Variants in DCC observed in about 807,000 individuals in gnomAD.
The protein encoded by DCC is netrin receptor DCC.
In DCC, 58 loss-of-function variants were observed where a neutral mutation model predicts 172.5. The ratio of observed to expected loss-of-function variants is 0.34; its 90% confidence interval spans 0.27 to 0.42. The LOEUF is 0.42. DCC is among the 10% of genes least tolerant of loss of function. The probability of loss-of-function intolerance (pLI) is 1.00; values close to 1 mark genes in which losing one functional copy is unlikely to be tolerated. For missense variants in DCC, 1,740 were observed against 1,791.0 expected (o/e 0.97, Z 0.51); for synonymous variants, 709 against 644.5 (o/e 1.10, Z -1.52).
intron 5 of DCC, among the ~76,000 whole-genome samples, chr18:52,939,479 T>C (rs1166163982): frequency 6.6e-6 from 1 of 152,196 alleles, no homozygotes; most frequent in African/African-American, 2.4e-5. Context: ...CCTTATTTTA[T>C]GTACTGTTTT....
At position 53,462,269 on chromosome 18, in the gene DCC, G is replaced by A. The variant is rs1241532438; in HGVS notation, c.3619+2811G>A. 2.0e-5 allele frequency among the ~76,000 whole-genome samples: 3 copies of A among 152,080 alleles called. No homozygotes were observed. The East Asian group carries it at 5.8e-4, about 29-fold the overall frequency. ...CCACACAGCAGGAGGTGAGCAACGG[G>A]CAAAAGAGCAAAGCTTCATATGTAT... On this transcript the variant is annotated intron_variant, in intron 24 of 28. Coordinates refer to ENST00000442544, the MANE Select transcript of DCC (RefSeq NM_005215.4).
intron 2 of DCC, among the ~76,000 whole-genome samples, chr18:52,883,350 A>ATTTG (rs1270659885): frequency 3.2e-4 from 11 of 34,168 alleles, no homozygotes; most frequent in African/African-American, 8.3e-4. Context: ...TTATTTATTT[A>ATTTG]TGTGTGTGTG....
chr18:52,772,574 C>T (rs1474911712), intron 2 of DCC, among the ~76,000 whole-genome samples: 4 of 152,188 alleles, frequency 2.6e-5, no homozygotes, highest in Non-Finnish European at 5.9e-5. Context: ...GGGAAAAGCA[C>T]ATCTCTAGGA....
intron 1 of DCC, among the ~76,000 whole-genome samples, chr18:52,481,997 C>A (rs1264773497): frequency 6.6e-6 from 1 of 151,994 alleles, no homozygotes; most frequent in Non-Finnish European, 1.5e-5. Flanking sequence ...CACTAACATG[C>A]TTAAATAGTG....
chr18:53,160,751 C>T lies in DCC; in HGVS notation c.1418+3239C>T, dbSNP rs185994074. On this transcript the variant is annotated intron_variant, in intron 8 of 28. Transcript: ENST00000442544. ...TTTTTCTCTCTTCTCAAATCTCCAACACCTTCCGCCTTTCCCCCACTCTTA... is the reference window on the plus strand; with the variant it reads ...TTTTTCTCTCTTCTCAAATCTCCAATACCTTCCGCCTTTCCCCCACTCTTA... Among the ~76,000 whole-genome samples, 325 of 152,296 alleles carry T rather than the reference C, an allele frequency of 2.1e-3. 1 individual carries two copies. Among genetic ancestry groups the T allele is most frequent in the Non-Finnish European group, 3.7e-3 (252 of 68,016 alleles).
intron 1 of DCC, among the ~76,000 whole-genome samples, chr18:52,433,135 G>T (rs1412621136): frequency 6.6e-6 from 1 of 151,998 alleles, no homozygotes; most frequent in East Asian, 1.9e-4. Context: ...TATTTAACCA[G>T]GTATTTGAGA....
At chr18:53,072,770 G>A (rs987353955) in intron 7 of DCC, among the ~76,000 whole-genome samples, 2 of 152,178 alleles carry the variant, frequency 1.3e-5, no homozygotes, top group Non-Finnish European at 2.9e-5. Context: ...TAGGGTCTAT[G>A]TCTTATGTTA....
At chr18:53,083,176 T>A (rs925125107) in intron 7 of DCC, among the ~76,000 whole-genome samples, 11 of 152,182 alleles carry the variant, frequency 7.2e-5, no homozygotes, top group African/African-American at 2.7e-4. Context: ...TTCTTTGTTT[T>A]TCGATTGTTC....
intron 12 of DCC, among the ~76,000 whole-genome samples, chr18:53,242,715 G>T (rs1351590582): frequency 6.6e-6 from 1 of 152,258 alleles, no homozygotes; most frequent in East Asian, 1.9e-4. Flanking sequence ...TACAAAATAT[G>T]CTGGACAGGC....
chr18:53,404,630 C>A (rs948796751), intron 19 of DCC, among the ~76,000 whole-genome samples: 7 of 151,946 alleles, frequency 4.6e-5, no homozygotes, highest in Non-Finnish European at 8.8e-5. Context: ...ACTCTGGAGG[C>A]TGAGGCAGGA....
At chr18:53,357,607 A>G (rs2057891727) in intron 15 of DCC, among the ~76,000 whole-genome samples, 1 of 152,200 alleles carries the variant, frequency 6.6e-6, no homozygotes, top group African/African-American at 2.4e-5. Context: ...TCTGCTTTGT[A>G]TTTTTTGAAG....
At chr18:52,960,070 G>A (rs2040817202) in intron 5 of DCC, among the ~76,000 whole-genome samples, 1 of 152,046 alleles carries the variant, frequency 6.6e-6, no homozygotes, top group Non-Finnish European at 1.5e-5. Flanking sequence ...AAGTAGGCTT[G>A]GAGATACACG....
chr18:53,123,182 G>A (rs1007950228), intron 7 of DCC, among the ~76,000 whole-genome samples: 2 of 152,020 alleles, frequency 1.3e-5, no homozygotes, highest in Non-Finnish European at 2.9e-5. Flanking sequence ...ATACATTGGA[G>A]GGTACTAGGA....
chr18:52,798,752 T>C (rs1014653195), intron 2 of DCC, among the ~76,000 whole-genome samples: 7 of 56,244 alleles, frequency 1.2e-4, no homozygotes, highest in African/African-American at 4.5e-4. Flanking sequence ...TATGAAGTTT[T>C]GTATCTTTTT....
intron 1 of DCC, among the ~76,000 whole-genome samples, chr18:52,365,477 A>G (rs1377768671): frequency 1.3e-5 from 2 of 152,186 alleles, no homozygotes; most frequent in Non-Finnish European, 2.9e-5. Context: ...CTCTATCTTA[A>G]CATATAGAAC....
intron 5 of DCC, among the ~76,000 whole-genome samples, chr18:53,060,519 A>C (rs1336203432): frequency 2.0e-5 from 3 of 152,186 alleles, no homozygotes; most frequent in African/African-American, 7.2e-5. Flanking sequence ...AAGAAATATG[A>C]GAAAATTACA....
intron 5 of DCC, among the ~76,000 whole-genome samples, chr18:52,946,341 C>A (rs1233507183): frequency 1.3e-5 from 2 of 152,232 alleles, no homozygotes; most frequent in African/African-American, 4.8e-5. Flanking sequence ...GTGAAATGAA[C>A]TGTTTTTTAG....
At chr18:53,437,037 C>T (rs1476015784) in intron 22 of DCC, among the ~76,000 whole-genome samples, 2 of 152,192 alleles carry the variant, frequency 1.3e-5, no homozygotes, top group African/African-American at 2.4e-5. Context: ...AAAGCCTCCA[C>T]CTCTTAATGC....
intron 12 of DCC, among the ~76,000 whole-genome samples, chr18:53,265,609 A>G (rs183966835): frequency 6.6e-6 from 1 of 152,312 alleles, no homozygotes; most frequent in Non-Finnish European, 1.5e-5. Flanking sequence ...ACCTTTCAAT[A>G]TTATTGGGGA....
Sources: gnomAD v4.1 joint callset for allele counts (sites outside exome capture counted in the v4.1 genomes callset) on GRCh38, gnomAD v4.1.1 for gene constraint, MANE v1.5 for transcripts, NCBI Gene and HGNC (gene_info 2026-07-23, HGNC 2026-07-21) for gene names.